Variants in ABLIM2 observed in about 807,000 individuals in gnomAD.
The protein encoded by ABLIM2 is actin binding LIM protein family member 2, also known as actin-binding LIM protein 2.
ABLIM2 carries 53 observed loss-of-function variants against 97.7 expected under a neutral mutation model. The ratio of observed to expected loss-of-function variants is 0.54; its 90% CI spans 0.44 to 0.68. The LOEUF (loss-of-function observed/expected upper bound fraction) is 0.68, where lower values mean the gene tolerates loss of function less well. Among genes scored for constraint, ABLIM2 ranks in the 30% least tolerant of loss-of-function variants. The probability of loss-of-function intolerance (pLI) is 0.00; values close to 1 mark genes in which losing one functional copy is unlikely to be tolerated. For missense variants in ABLIM2, 835 were observed against 867.2 expected (o/e 0.96, Z 0.47); for synonymous variants, 361 against 345.8 (o/e 1.04, Z -0.49).
Position 8,088,277 on chromosome 4 carries a change from A to C in ABLIM2, c.346T>G (p.Phe116Val), listed in dbSNP as rs781367904. Reference protein sequence around the residue: ...CFVCAVCRLPFPPGDRVTFNG... With the variant: ...CFVCAVCRLPVPPGDRVTFNG... ...AAGGTCACTCGGTCCCCGGGGGGGA[A>C]GGGCAGCCTGAAACAAGAGAGCTCG... Residue 116 changes from phenylalanine (F) to valine (V), a missense_variant, in exon 4 of 21, where the codon TTC becomes GTC. Transcript: ENST00000447017. 1.6e-5 allele frequency: 26 copies of C among 1,611,262 alleles called. No individual in the cohort carries two copies. The highest frequency in any genetic ancestry group is 2.0e-5 in the Non-Finnish European group (24 of 1,178,750).
Position 7,989,331 on chromosome 4 carries a change from G to A in ABLIM2, c.1680+3535C>T, listed in dbSNP as rs147305762. On this transcript the variant is annotated intron_variant, in intron 17 of 20. Transcript: ENST00000447017. The stretch of plus-strand genomic sequence containing the variant: ...TGGCCTCAAGTGATCCACCCACCTC[G>A]GCCTCGCAGAGTGCTGGGATTATAG... 11 of 865,618 alleles carry A rather than the reference G, an allele frequency of 1.3e-5. No homozygotes were observed. The African/African-American group carries it at 1.5e-4, about 11-fold the overall frequency. The allele number at this position is 865,618 out of a possible 1,614,324, so 53.6% of individuals were successfully genotyped here.
At chr4:8,013,664 A>G (rs1299472661) in intron 14 of ABLIM2, among the ~76,000 whole-genome samples, 2 of 152,238 alleles carry the variant, frequency 1.3e-5, no homozygotes, top group Non-Finnish European at 2.9e-5. Flanking sequence ...CTGAAGCCAG[A>G]GCTGGAGCCA....
Position 8,127,691 on chromosome 4 carries a change from G to C in ABLIM2, c.11-21054C>G, listed in dbSNP as rs2152925318. ...GGGGAAGAGCCTCTGTGGCCCACAG[G>C]GCTCCCACAAGGTCACGTGGCAGCT... On this transcript the variant is annotated intron_variant, in intron 1 of 20. Transcript: ENST00000447017. The surrounding 1 kb of genome is among the most constrained non-coding windows in gnomAD (Gnocchi z 7.3). The C allele has an allele frequency of 8.0e-7, 1 of 1,256,840 alleles. No homozygotes were observed. The highest frequency in any genetic ancestry group is 1.0e-6 in the Non-Finnish European group (1 of 967,126). The allele number at this position is 1,256,840 out of a possible 1,614,324, so 77.9% of individuals were successfully genotyped here.
At chr4:8,051,287 G>T (rs181836408) in intron 8 of ABLIM2, among the ~76,000 whole-genome samples, 80 of 152,262 alleles carry the variant, frequency 5.3e-4, no homozygotes, top group African/African-American at 1.8e-3. Flanking sequence ...GGTAGCTCAC[G>T]CCTGTAATCC....
chr4:8,020,199 T>C lies in ABLIM2; in HGVS notation c.1369+3A>G. On this transcript the variant is annotated splice_donor_region_variant and intron_variant, in intron 13 of 20. Coordinates refer to ENST00000447017, the MANE Select transcript of ABLIM2 (RefSeq NM_001130083.2). ...AGCCCAGCCAGCGTGTCCCGGAGCCTACCTGGGACGTGGAAGTGGCGAGGT... is the reference window on the plus strand; with the variant it reads ...AGCCCAGCCAGCGTGTCCCGGAGCCCACCTGGGACGTGGAAGTGGCGAGGT... The C allele has an allele frequency of 2.5e-6, 4 of 1,612,572 alleles. No individual in the cohort carries two copies. Among genetic ancestry groups the C allele is most frequent in the Non-Finnish European group, 3.4e-6 (4 of 1,179,194 alleles).
rs1314566968 is a variant in ABLIM2 at position 8,085,670 on chromosome 4, T to A, written c.454+2499A>T. The stretch of plus-strand genomic sequence containing the variant: ...TGGGGGTGCCCACGCTGCAGCCCCG[T>A]CCACTCACGTGGGTCTGGGGGTGCC... On this transcript the variant is annotated intron_variant, in intron 4 of 20. Coordinates refer to ENST00000447017, the MANE Select transcript of ABLIM2 (RefSeq NM_001130083.2). The surrounding 1 kb of genome is among the most constrained non-coding windows in gnomAD (Gnocchi z 6.1). Among the ~76,000 whole-genome samples the A allele has an allele frequency of 6.6e-6, 1 of 151,710 alleles. No individual in the cohort carries two copies. The highest frequency in any genetic ancestry group is 1.9e-4 in the East Asian group (1 of 5,152).
At chr4:7,991,188 T>C (rs1748419456) in intron 17 of ABLIM2, among the ~76,000 whole-genome samples, 1 of 152,230 alleles carries the variant, frequency 6.6e-6, no homozygotes, top group Non-Finnish European at 1.5e-5. Context: ...GTGTGGCTTC[T>C]GGAGACCATG....
intron 1 of ABLIM2, among the ~76,000 whole-genome samples, chr4:8,109,112 C>T (rs796380412): frequency 6.6e-6 from 1 of 152,250 alleles, no homozygotes; most frequent in African/African-American, 2.4e-5. Context: ...CACTGGCCCC[C>T]CACCGCCTGT....
chr4:8,084,029 G>C (rs1250586001), intron 4 of ABLIM2, among the ~76,000 whole-genome samples: 1 of 152,020 alleles, frequency 6.6e-6, no homozygotes, highest in East Asian at 1.9e-4. Flanking sequence ...GGTCTAACTG[G>C]GGGTCAGGGG....
In ABLIM2 at chr4:8,046,564, C is replaced by A. The variant is rs1289575361; in HGVS notation, c.823-1323G>T. 6.6e-6 allele frequency among the ~76,000 whole-genome samples: 1 copy of A among 152,164 alleles called. No individual in the cohort carries two copies. The highest frequency in any genetic ancestry group is 1.5e-5 in the Non-Finnish European group (1 of 68,026). On this transcript the variant is annotated intron_variant, in intron 8 of 20. Coordinates refer to ENST00000447017, the MANE Select transcript of ABLIM2 (RefSeq NM_001130083.2). The surrounding 1 kb of genome is among the most constrained non-coding windows in gnomAD (Gnocchi z 4.4). ...CCCACCCCGACCACAGCCCCCACTG[C>A]AGCTCCCTCCTCTCATTTTCTGAGT...
At chr4:8,065,787 G>C (rs535984013) in intron 6 of ABLIM2, among the ~76,000 whole-genome samples, 21 of 152,166 alleles carry the variant, frequency 1.4e-4, no homozygotes, top group Non-Finnish European at 2.2e-4. Flanking sequence ...AGCTAGGCTT[G>C]GTGGCGGGTG....
chr4:8,112,055 C>T lies in ABLIM2; in HGVS notation c.11-5418G>A, dbSNP rs80069659. Among the ~76,000 whole-genome samples, 886 of 152,076 alleles carry T rather than the reference C, an allele frequency of 5.8e-3. 5 individuals carry two copies. Among genetic ancestry groups the T allele is most frequent in the African/African-American group, 8.4e-3 (350 of 41,476 alleles). On this transcript the variant is annotated intron_variant, in intron 1 of 20. Transcript: ENST00000447017. The surrounding 1 kb of genome is among the most constrained non-coding windows in gnomAD (Gnocchi z 4.2). ...CTCTAACTGTGATAATAACATAGAA[C>T]ATAAACTCAAGTGCTAAGAATCTAT...
Position 8,003,739 on chromosome 4 carries a change from G to GCA in ABLIM2, c.1618+4319_1618+4320insTG, listed in dbSNP as rs1289013431. On this transcript the variant is annotated intron_variant, in intron 16 of 20. Coordinates refer to ENST00000447017, the MANE Select transcript of ABLIM2 (RefSeq NM_001130083.2). The surrounding 1 kb of genome is among the most constrained non-coding windows in gnomAD (Gnocchi z 4.2). ...CTCCACCATGCCTGGCTGATTTTTT[G>GCA]TGTTTAGTAGAGACGGGGTTTCACC... Among the ~76,000 whole-genome samples, 1 of 151,792 alleles carries GCA rather than the reference G, an allele frequency of 6.6e-6. No homozygotes were observed. The highest frequency in any genetic ancestry group is 2.4e-5 in the African/African-American group (1 of 41,320).
intron 7 of ABLIM2, among the ~76,000 whole-genome samples, chr4:8,055,816 C>T (rs1034967980): frequency 2.0e-5 from 3 of 152,022 alleles, no homozygotes; most frequent in African/African-American, 7.3e-5. Context: ...TAAATTATGA[C>T]CATAAAAGTA....
chr4:7,993,721 G>GCAATT (rs1750800846), intron 16 of ABLIM2, among the ~76,000 whole-genome samples: 3 of 152,102 alleles, frequency 2.0e-5, no homozygotes, highest in Non-Finnish European at 4.4e-5. Context: ...GCAATTGGGG[G>GCAATT]GCTTCATATT....
chr4:8,135,327 G>A (rs1270811863), intron 1 of ABLIM2, among the ~76,000 whole-genome samples: 2 of 152,222 alleles, frequency 1.3e-5, no homozygotes, highest in Non-Finnish European at 2.9e-5. Context: ...CACAGGCGAT[G>A]TTTTGCTATC....
intron 10 of ABLIM2, among the ~76,000 whole-genome samples, chr4:8,030,435 C>T (rs370237007): frequency 3.3e-5 from 5 of 152,228 alleles, no homozygotes; most frequent in African/African-American, 7.2e-5. Context: ...TGGCCCAGCC[C>T]AGTGTCCTGC....
chr4:8,019,346 A>AGGGG lies in ABLIM2; in HGVS notation c.1423+271_1423+272insCCCC, dbSNP rs1771863455. On this transcript the variant is annotated intron_variant, in intron 14 of 20. Transcript: ENST00000447017. This position sits in a 1 kb window ranked among gnomAD's most constrained non-coding sequence, Gnocchi z 4.3. ...CGCCACCACCAGGCTCTTGGCTATAAACCCCCATCCCAAGCCCTGGCTGAT... is the reference window on the plus strand; with the variant it reads ...CGCCACCACCAGGCTCTTGGCTATAAGGGGACCCCCATCCCAAGCCCTGGCTGAT... Among the ~76,000 whole-genome samples the AGGGG allele has an allele frequency of 6.6e-6, 1 of 152,164 alleles. No homozygotes were observed. The highest frequency in any genetic ancestry group is 1.5e-5 in the Non-Finnish European group (1 of 68,032).
In ABLIM2 at chr4:8,097,840, C is replaced by T. The variant is rs539228419; in HGVS notation, c.155-558G>A. Among the ~76,000 whole-genome samples, 7 of 152,212 alleles carry T rather than the reference C, an allele frequency of 4.6e-5. No individual in the cohort carries two copies. The South Asian group carries it at 1.5e-3, about 32-fold the overall frequency. On this transcript the variant is annotated intron_variant, in intron 2 of 20. Transcript: ENST00000447017. ...GTCTCCATGCCCTCATGGCCCTCGACGCCTGTCTCCCCACAGTGTGAACAA... is the reference window on the plus strand; with the variant it reads ...GTCTCCATGCCCTCATGGCCCTCGATGCCTGTCTCCCCACAGTGTGAACAA...
Sources: allele counts gnomAD v4.1 joint callset (sites outside exome capture counted in the v4.1 genomes callset), GRCh38; gene constraint gnomAD v4.1.1; non-coding constraint Gnocchi (gnomAD v3.1); transcripts MANE v1.5; gene names NCBI Gene and HGNC (gene_info 2026-07-23, HGNC 2026-07-21).